PSD3: variants seen among roughly 807,000 people sequenced by gnomAD.
PSD3 encodes PH and SEC7 domain-containing protein 3.
A neutral mutation model predicts 105.5 loss-of-function variants in PSD3; 49 were observed. The observed-to-expected ratio is 0.46, with a 90% CI of 0.37 to 0.59. The LOEUF is 0.59. PSD3 is among the 20% of genes least tolerant of loss of function. The pLI, the probability that PSD3 is intolerant of heterozygous loss-of-function variation, is 0.00. For synonymous variants in PSD3, 557 were observed against 457.8 expected (o/e 1.22, Z -2.77); for missense variants, 1,561 against 1,263.8 (o/e 1.24, Z -3.57).
Position 19,067,027 on chromosome 8 carries a change from G to A in PSD3, c.324+17179C>T, listed in dbSNP as rs934038392. Among the ~76,000 whole-genome samples, 3 of 152,052 alleles carry A rather than the reference G, an allele frequency of 2.0e-5. No individual in the cohort carries two copies. The East Asian group carries it at 5.8e-4, about 29-fold the overall frequency. ...TATTATTATTAGTTATAATCACAGG[G>A]TCTAGCACAGAGCATAACAATGAAT... On this transcript the variant is annotated intron_variant, in intron 1 of 1. Transcript: ENST00000521475.
At chr8:18,687,652 GATA>G (rs1289060989) in intron 9 of PSD3, among the ~76,000 whole-genome samples, 1 of 152,136 alleles carries the variant, frequency 6.6e-6, no homozygotes, top group Non-Finnish European at 1.5e-5. Context: ...TCCTTCCAGA[GATA>G]ATAAGCCATC....
chr8:18,976,067 T>C (rs1420531238), intron 1 of PSD3, among the ~76,000 whole-genome samples: 1 of 152,134 alleles, frequency 6.6e-6, no homozygotes, highest in African/African-American at 2.4e-5. Flanking sequence ...AATGAAAAAC[T>C]GTAAGCAACA....
chr8:18,605,871 C>A (rs561907191), intron 11 of PSD3, among the ~76,000 whole-genome samples: 1 of 152,234 alleles, frequency 6.6e-6, no homozygotes, highest in East Asian at 1.9e-4. Flanking sequence ...GTGGTGCTCC[C>A]CCTTTACCTT....
intron 1 of PSD3, among the ~76,000 whole-genome samples, chr8:18,950,162 T>C (rs1410123743): frequency 6.6e-6 from 1 of 152,212 alleles, no homozygotes; most frequent in Non-Finnish European, 1.5e-5. Flanking sequence ...TTAACTTTTA[T>C]AAAGAAACAA....
intron 1 of PSD3, among the ~76,000 whole-genome samples, chr8:18,986,195 G>A (rs1563487541): frequency 6.6e-6 from 1 of 152,156 alleles, no homozygotes; most frequent in Non-Finnish European, 1.5e-5. Context: ...TGGATTAACA[G>A]TAGAGGTCCC....
intron 9 of PSD3, among the ~76,000 whole-genome samples, chr8:18,756,691 G>A (rs1806066720): frequency 6.7e-6 from 1 of 150,058 alleles, no homozygotes. Context: ...CAGAAAAAGA[G>A]AACAACTTCT....
chr8:18,744,694 G>A (rs917159640), intron 9 of PSD3, among the ~76,000 whole-genome samples: 4 of 152,118 alleles, frequency 2.6e-5, no homozygotes, highest in East Asian at 3.9e-4. Flanking sequence ...AACATCTTAC[G>A]TAACCATCAG....
intron 9 of PSD3, among the ~76,000 whole-genome samples, chr8:18,693,685 C>G (rs1013849374): frequency 7.2e-5 from 11 of 152,194 alleles, no homozygotes; most frequent in Non-Finnish European, 1.5e-4. Context: ...CTGCAGGCTA[C>G]TAGCCCCACA....
In PSD3 at chr8:18,530,893, A is replaced by T. The variant is rs1371363223; in HGVS notation, c.*4850T>A. 1.3e-5 allele frequency: 2 copies of T among 152,224 alleles called. No individual in the cohort carries two copies. Among genetic ancestry groups the T allele is most frequent in the East Asian group, 3.8e-4 (2 of 5,206 alleles). 9.4% of individuals were successfully genotyped at this position (152,224 alleles called of 1,614,324 possible). ...TATTTGAGTTTAAGTTTAATAAAAC[A>T]ATACCACTATATATACTCTCAACAA... On this transcript the variant is annotated 3_prime_UTR_variant, in exon 16 of 16. Coordinates refer to ENST00000327040, the MANE Select transcript of PSD3 (RefSeq NM_015310.4).
intron 15 of PSD3, among the ~76,000 whole-genome samples, chr8:18,555,282 G>A (rs911016884): frequency 6.6e-6 from 1 of 151,978 alleles, no homozygotes; most frequent in African/African-American, 2.4e-5. Flanking sequence ...GCTAGGATGT[G>A]GACACTTAGA....
At chr8:18,631,035 G>C (rs79731471) in intron 11 of PSD3, among the ~76,000 whole-genome samples, 1 of 151,928 alleles carries the variant, frequency 6.6e-6, no homozygotes, top group East Asian at 1.9e-4. Flanking sequence ...CGGTATTTTC[G>C]TATTTTTCAC....
intron 1 of PSD3, among the ~76,000 whole-genome samples, chr8:18,961,647 C>T (rs1184748715): frequency 3.3e-5 from 5 of 151,686 alleles, no homozygotes; most frequent in African/African-American, 7.3e-5. Context: ...GCCGAGATCA[C>T]GCTACTGCAC....
intron 1 of PSD3, among the ~76,000 whole-genome samples, chr8:19,055,922 C>T (rs189353955): frequency 4.5e-4 from 69 of 152,328 alleles, no homozygotes; most frequent in Non-Finnish European, 8.5e-4. Flanking sequence ...GTCAGGAGAA[C>T]ACACTACTTT....
At chr8:18,999,287 A>G (rs1484287183) in intron 1 of PSD3, among the ~76,000 whole-genome samples, 1 of 151,936 alleles carries the variant, frequency 6.6e-6, no homozygotes, top group African/African-American at 2.4e-5. Flanking sequence ...AGGTGACACA[A>G]GTTACCCGGG....
At chr8:18,878,239 A>G (rs955669682) in intron 2 of PSD3, among the ~76,000 whole-genome samples, 5 of 152,132 alleles carry the variant, frequency 3.3e-5, no homozygotes, top group African/African-American at 1.2e-4. Flanking sequence ...TAGATCATTC[A>G]GTAGCCATGC....
chr8:18,772,777 T>C (rs1170835718), intron 8 of PSD3, among the ~76,000 whole-genome samples: 2 of 152,212 alleles, frequency 1.3e-5, no homozygotes, highest in Non-Finnish European at 2.9e-5. Context: ...TCCAAAGTGC[T>C]GGGATTACAG....
intron 6 of PSD3, chr8:18,802,413 G>T: frequency 2.5e-6 from 1 of 401,856 alleles, no homozygotes; most frequent in Non-Finnish European, 5.0e-6. Flanking sequence ...ATCTTACTAT[G>T]GTAAAAAACA....
intron 11 of PSD3, among the ~76,000 whole-genome samples, chr8:18,609,597 T>C (rs913270618): frequency 1.3e-5 from 2 of 152,202 alleles, no homozygotes; most frequent in Admixed American, 1.3e-4. Context: ...TTAAAGTATG[T>C]AGCCTAAAGC....
At chr8:18,981,084 G>C (rs1040393559) in intron 1 of PSD3, among the ~76,000 whole-genome samples, 5 of 152,008 alleles carry the variant, frequency 3.3e-5, no homozygotes, top group Non-Finnish European at 7.4e-5. Flanking sequence ...CCTTTGTTAT[G>C]TCTGTCTTCC....
Sources: allele counts gnomAD v4.1 joint callset (sites outside exome capture counted in the v4.1 genomes callset), GRCh38; gene constraint gnomAD v4.1.1; transcripts MANE v1.5; gene names NCBI Gene and HGNC (gene_info 2026-07-23, HGNC 2026-07-21).